The following XPR1 variants were observed in gnomAD, a reference collection of about 807,000 sequenced individuals.
The protein encoded by XPR1 is xenotropic and polytropic retrovirus receptor 1, also known as solute carrier family 53 member 1.
Under a neutral mutation model 87.5 loss-of-function variants are expected in XPR1, and 28 were observed. The observed-to-expected ratio is 0.32, with a 90% CI of 0.24 to 0.44. XPR1 has a LOEUF of 0.44. Ranked by LOEUF, XPR1 falls within the 20% of genes least tolerant of loss-of-function variation. The pLI is 1.00. For missense variants in XPR1, 559 were observed against 862.3 expected (o/e 0.65, Z 4.41); for synonymous variants, 300 against 306.1 (o/e 0.98, Z 0.21).
rs559631609 is a variant in XPR1, at chr1:180,681,066, G to A, written c.70-1294G>A. On this transcript the variant is annotated intron_variant, in intron 1 of 14. Transcript: ENST00000367590. ...ATACTAGAGGCTGGGAAGGGAAGAG[G>A]GCAGGTCAGAGGATAGGGAGAGATT... is the stretch of plus-strand genomic sequence containing the variant. Among the ~76,000 whole-genome samples the A allele has an allele frequency of 6.6e-5, 10 of 152,198 alleles. No individual in the cohort carries two copies. The East Asian group carries it at 1.7e-3, about 26-fold the overall frequency.
At chr1:180,758,275 A>AT (rs758298693) in intron 2 of XPR1, among the ~76,000 whole-genome samples, 153 of 152,302 alleles carry the variant, frequency 1.0e-3, no homozygotes, top group Non-Finnish European at 1.8e-3. Context: ...TCTCATTCAT[A>AT]TGTGGGAGCT....
At chr1:180,845,762 T>TGG (rs11274029) in intron 11 of XPR1, among the ~76,000 whole-genome samples, 151,758 of 152,352 alleles carry the variant, frequency 1, 75,589 homozygotes, top group Middle Eastern at 1. Context: ...CTTCCAAAGC[T>TGG]GACCTGAGCC....
chr1:180,733,830 A>C (rs1557980308), intron 2 of XPR1, among the ~76,000 whole-genome samples: 2 of 152,226 alleles, frequency 1.3e-5, no homozygotes, highest in Non-Finnish European at 2.9e-5. Context: ...GAAAACCAGA[A>C]AAAGATGTTT....
intron 11 of XPR1, among the ~76,000 whole-genome samples, chr1:180,844,143 G>C (rs1651605242): frequency 6.6e-6 from 1 of 152,060 alleles, no homozygotes; most frequent in Admixed American, 6.6e-5. Context: ...CCTGGGAGGC[G>C]GAGGTTGCAG....
At chr1:180,846,392 C>G (rs1166385000) in intron 11 of XPR1, among the ~76,000 whole-genome samples, 1 of 151,768 alleles carries the variant, frequency 6.6e-6, no homozygotes, top group Non-Finnish European at 1.5e-5. Context: ...GAACGAAAGA[C>G]CAGTGGGCTA....
At chr1:180,837,783 G>A (rs1031024120) in intron 11 of XPR1, among the ~76,000 whole-genome samples, 1 of 152,060 alleles carries the variant, frequency 6.6e-6, no homozygotes, top group Non-Finnish European at 1.5e-5. Context: ...CTCATACTGT[G>A]GAATGCTGTT....
intron 2 of XPR1, among the ~76,000 whole-genome samples, chr1:180,742,376 T>A (rs61809353): frequency 0.053 from 8,097 of 152,260 alleles, 312 homozygotes; most frequent in Non-Finnish European, 0.078. Flanking sequence ...TTGATATTCC[T>A]CTTTGACTTA....
intron 11 of XPR1, among the ~76,000 whole-genome samples, chr1:180,855,107 T>C (rs997352553): frequency 1.3e-5 from 2 of 152,114 alleles, no homozygotes; most frequent in African/African-American, 4.8e-5. Flanking sequence ...GTGAAAGACA[T>C]TACAATTTAA....
chr1:180,654,874 T>C (rs1227334737), intron 1 of XPR1, among the ~76,000 whole-genome samples: 1 of 152,222 alleles, frequency 6.6e-6, no homozygotes, highest in East Asian at 1.9e-4. Context: ...TTCAAAGAGC[T>C]ATTTGAACAC....
Position 180,836,736 on chromosome 1 carries a change from G to C in XPR1, c.1501+20G>C, listed in dbSNP as rs1275051188. 1 of 1,610,904 alleles carries C rather than the reference G, an allele frequency of 6.2e-7. No homozygotes were observed. The highest frequency in any genetic ancestry group is 1.3e-5 in the African/African-American group (1 of 74,958). ...ACAAAGGTATTCTGTGATTGACTCT[G>C]AAGAGATTTTTTTAAACCTGGATTT... On this transcript the variant is annotated intron_variant, in intron 11 of 14. Coordinates refer to ENST00000367590, the MANE Select transcript of XPR1 (RefSeq NM_004736.4).
intron 11 of XPR1, among the ~76,000 whole-genome samples, chr1:180,845,108 G>A (rs995180783): frequency 2.0e-5 from 3 of 151,984 alleles, no homozygotes; most frequent in African/African-American, 7.2e-5. Context: ...TAATAAACAT[G>A]AAAAATTTTC....
intron 13 of XPR1, chr1:180,878,256 C>G (rs1652723638): frequency 6.6e-6 from 1 of 152,172 alleles, no homozygotes; most frequent in Non-Finnish European, 1.5e-5. Context: ...CTAACTAAAT[C>G]AAATGTTCTA....
chr1:180,692,513 G>A (rs893437740), intron 2 of XPR1, among the ~76,000 whole-genome samples: 2 of 152,128 alleles, frequency 1.3e-5, no homozygotes, highest in Admixed American at 6.5e-5. Context: ...TCTGAAGGGT[G>A]TGCCTTATTA....
At chr1:180,696,319 G>A (rs1216349431) in intron 2 of XPR1, among the ~76,000 whole-genome samples, 1 of 150,506 alleles carries the variant, frequency 6.6e-6, no homozygotes, top group Non-Finnish European at 1.5e-5. Context: ...TGCTTATTTT[G>A]TATCCTACAA....
chr1:180,714,406 G>A (rs975710998), intron 2 of XPR1, among the ~76,000 whole-genome samples: 6 of 85,282 alleles, frequency 7.0e-5, no homozygotes, highest in East Asian at 6.3e-4. Context: ...TCTCTCTGTC[G>A]TCTGTCTGTC....
chr1:180,746,751 A>G (rs919345726), intron 2 of XPR1, among the ~76,000 whole-genome samples: 1 of 152,200 alleles, frequency 6.6e-6, no homozygotes, highest in African/African-American at 2.4e-5. Flanking sequence ...TAAACAAGCA[A>G]AAACCAAACA....
intron 2 of XPR1, among the ~76,000 whole-genome samples, chr1:180,768,790 A>C (rs570020874): frequency 1.1e-4 from 17 of 152,364 alleles, no homozygotes; most frequent in Admixed American, 1.1e-3. Flanking sequence ...CAGATATCCT[A>C]AATGTAGGTA....
At chr1:180,725,946 A>C (rs1469211970) in intron 2 of XPR1, among the ~76,000 whole-genome samples, 2 of 152,222 alleles carry the variant, frequency 1.3e-5, no homozygotes, top group African/African-American at 4.8e-5. Context: ...GAATTAAATG[A>C]GATAATGTAT....
chr1:180,675,343 GC>G (rs1299006027), intron 1 of XPR1, among the ~76,000 whole-genome samples: 1 of 152,154 alleles, frequency 6.6e-6, no homozygotes, highest in African/African-American at 2.4e-5. Context: ...TTAGTCTCTT[GC>G]TCAGTAAAGC....
Sources: gnomAD v4.1 joint callset for allele counts (sites outside exome capture counted in the v4.1 genomes callset) on GRCh38, gnomAD v4.1.1 for gene constraint, MANE v1.5 for transcripts, NCBI Gene and HGNC (gene_info 2026-07-23, HGNC 2026-07-21) for gene names.